CLSTN2: variants seen among roughly 807,000 people sequenced by gnomAD.
CLSTN2 encodes calsyntenin-2.
Under a neutral mutation model 101.2 loss-of-function variants are expected in CLSTN2, and 48 were observed. The observed-to-expected ratio is 0.47, with a 90% CI of 0.38 to 0.60. The LOEUF is 0.60. Among genes scored for constraint, CLSTN2 ranks in the 20% least tolerant of loss-of-function variants. The pLI, the probability that CLSTN2 is intolerant of heterozygous loss-of-function variation, is 0.00. For missense variants in CLSTN2, 1,160 were observed against 1,238.2 expected (o/e 0.94, Z 0.95); for synonymous variants, 481 against 463.6 (o/e 1.04, Z -0.48).
At chr3:140,127,151 A>G (rs2009448430) in intron 1 of CLSTN2, among the ~76,000 whole-genome samples, 1 of 151,948 alleles carries the variant, frequency 6.6e-6, no homozygotes, top group African/African-American at 2.4e-5. Context: ...CAGTCAGCTG[A>G]AATTTGAGGG....
chr3:140,514,939 A>C (rs941338337), intron 8 of CLSTN2, among the ~76,000 whole-genome samples: 1 of 152,162 alleles, frequency 6.6e-6, no homozygotes, highest in African/African-American at 2.4e-5. Context: ...GAATAGTTTC[A>C]GGATGATTAG....
intron 8 of CLSTN2, among the ~76,000 whole-genome samples, chr3:140,485,009 G>C (rs1934206862): frequency 1.3e-5 from 2 of 152,194 alleles, no homozygotes; most frequent in Admixed American, 6.5e-5. Flanking sequence ...GTGAGGAGCT[G>C]TGTTCCTTTG....
intron 2 of CLSTN2, among the ~76,000 whole-genome samples, chr3:140,190,653 CTAAG>C (rs1345079379): frequency 2.0e-5 from 3 of 151,916 alleles, no homozygotes; most frequent in Admixed American, 2.0e-4. Flanking sequence ...ATATTTATAT[CTAAG>C]TATTTCATTT....
chr3:140,277,951 C>A (rs1045481598), intron 2 of CLSTN2, among the ~76,000 whole-genome samples: 2 of 152,212 alleles, frequency 1.3e-5, no homozygotes, highest in Admixed American at 6.5e-5. Flanking sequence ...GATTAACCTG[C>A]ATCTTAAACA....
At chr3:140,511,064 G>T (rs767764778) in intron 8 of CLSTN2, among the ~76,000 whole-genome samples, 2 of 152,180 alleles carry the variant, frequency 1.3e-5, no homozygotes, top group Non-Finnish European at 2.9e-5. Context: ...CACCATGTGT[G>T]TCTATGTGTT....
chr3:140,119,495 G>A (rs748580449), intron 1 of CLSTN2, among the ~76,000 whole-genome samples: 1 of 152,114 alleles, frequency 6.6e-6, no homozygotes, highest in African/African-American at 2.4e-5. Flanking sequence ...GAATGTATGG[G>A]AGGCAGCAGG....
chr3:140,564,061 C>T lies in CLSTN2; in HGVS notation c.2583C>T (p.His861=). ...GVYRVRIAHQ[H]FIQETEAAKE... The stretch of plus-strand genomic sequence containing the variant: ...ACCGGGTCCGGATCGCCCACCAGCA[C>T]TTCATCCAGGAGACTGAGGCTGCCA... The change falls in exon 16 of 17, where the codon CAC becomes CAT. Residue 861 remains histidine (H), a synonymous_variant. Coordinates refer to ENST00000458420, the MANE Select transcript of CLSTN2 (RefSeq NM_022131.3). The T allele has an allele frequency of 6.2e-7, 1 of 1,614,160 alleles. No individual in the cohort carries two copies. The highest frequency in any genetic ancestry group is 8.5e-7 in the Non-Finnish European group (1 of 1,180,020).
At chr3:140,523,538 C>T (rs974985966) in intron 8 of CLSTN2, among the ~76,000 whole-genome samples, 6 of 152,154 alleles carry the variant, frequency 3.9e-5, no homozygotes, top group African/African-American at 1.4e-4. Context: ...GGAAAGCAGT[C>T]CCCTATCCAG....
At chr3:140,550,253 A>G (rs1029346924) in intron 10 of CLSTN2, among the ~76,000 whole-genome samples, 6 of 151,540 alleles carry the variant, frequency 4.0e-5, no homozygotes, top group African/African-American at 1.5e-4. Flanking sequence ...GCAAGGGATC[A>G]TGATCTCAGC....
chr3:140,235,699 G>T (rs1354793653), intron 2 of CLSTN2, among the ~76,000 whole-genome samples: 1 of 152,190 alleles, frequency 6.6e-6, no homozygotes, highest in African/African-American at 2.4e-5. Flanking sequence ...GAAGCTAGGA[G>T]AGGTAGGGGT....
chr3:140,325,259 A>G (rs2087321018), intron 2 of CLSTN2, among the ~76,000 whole-genome samples: 1 of 152,218 alleles, frequency 6.6e-6, no homozygotes, highest in African/African-American at 2.4e-5. Flanking sequence ...ATCAGAAAGC[A>G]TAAAATGTCC....
chr3:140,563,180 G>A lies in CLSTN2; in HGVS notation c.2459G>A (p.Arg820Gln), dbSNP rs560530846. ...CAGTCTGTCCATCATCCTGAGTCCC[G>A]GAGTAGCATCCAGCACAGTTCAGGT... is the stretch of plus-strand genomic sequence containing the variant. ...FLQSVHHPES[R>Q]SSIQHSSVVP... Residue 820 changes from arginine to glutamine, a missense_variant, in exon 15 of 17, where the codon CGG (arginine) becomes CAG (glutamine). By Grantham distance (43) the Arg-to-Gln change is conservative. Coordinates refer to ENST00000458420, the MANE Select transcript of CLSTN2 (RefSeq NM_022131.3). 37 of 1,613,998 alleles carry A rather than the reference G, an allele frequency of 2.3e-5. No individual in the cohort carries two copies. The highest frequency in any genetic ancestry group is 1.2e-4 in the South Asian group (11 of 91,060).
chr3:140,117,803 G>A (rs1308559829), intron 1 of CLSTN2, among the ~76,000 whole-genome samples: 1 of 152,148 alleles, frequency 6.6e-6, no homozygotes, highest in African/African-American at 2.4e-5. Context: ...AAAGTGACTT[G>A]ACCAAGGTTA....
intron 1 of CLSTN2, among the ~76,000 whole-genome samples, chr3:140,150,820 G>T (rs912779973): frequency 2.0e-5 from 3 of 152,062 alleles, no homozygotes; most frequent in African/African-American, 7.2e-5. Context: ...CTGTCTTAGA[G>T]TCTGCTTCCC....
At chr3:140,562,586 A>C (rs1381477956) in intron 13 of CLSTN2, among the ~76,000 whole-genome samples, 1 of 152,228 alleles carries the variant, frequency 6.6e-6, no homozygotes, top group Non-Finnish European at 1.5e-5. Context: ...AATGTCACAG[A>C]AACATCTGGA....
intron 2 of CLSTN2, among the ~76,000 whole-genome samples, chr3:140,384,705 A>C (rs1274972160): frequency 3.9e-5 from 6 of 152,254 alleles, no homozygotes; most frequent in African/African-American, 1.4e-4. Context: ...ATTAGCTCCA[A>C]GAATTGACAG....
At position 140,141,200 on chromosome 3, in the gene CLSTN2, G is replaced by A. The variant is rs182546457; in HGVS notation, c.110-34751G>A. On this transcript the variant is annotated intron_variant, in intron 1 of 16. Coordinates refer to ENST00000458420, the MANE Select transcript of CLSTN2 (RefSeq NM_022131.3). ...ACAGGATGAGTCTGAGAGGAGGTGG[G>A]GATCTCTGCTTCTGTTTAATGCCCA... Among the ~76,000 whole-genome samples the A allele has an allele frequency of 8.9e-4, 136 of 152,250 alleles. 1 individual carries two copies. The highest frequency in any genetic ancestry group is 3.2e-3 in the African/African-American group (134 of 41,564).
intron 4 of CLSTN2, among the ~76,000 whole-genome samples, chr3:140,405,352 C>G (rs191000058): frequency 3.3e-5 from 5 of 152,056 alleles, no homozygotes; most frequent in African/African-American, 1.2e-4. Flanking sequence ...CTCAGCCTCC[C>G]GAGGAGCTGG....
intron 2 of CLSTN2, among the ~76,000 whole-genome samples, chr3:140,244,425 A>G (rs953453322): frequency 6.6e-6 from 1 of 151,742 alleles, no homozygotes; most frequent in African/African-American, 2.4e-5. Context: ...TCTCTCCTCC[A>G]CTCTACATCC....
Sources: allele counts gnomAD v4.1 joint callset (sites outside exome capture counted in the v4.1 genomes callset), GRCh38; gene constraint gnomAD v4.1.1; transcripts MANE v1.5; gene names NCBI Gene and HGNC (gene_info 2026-07-23, HGNC 2026-07-21).